AGBL1: variants seen among roughly 807,000 people sequenced by gnomAD.
The protein encoded by AGBL1 is cytosolic carboxypeptidase 4.
AGBL1 carries 130 observed loss-of-function variants against 118.9 expected under a neutral mutation model. That is an observed-to-expected ratio of 1.09 (90% confidence interval 0.95 to 1.26). The LOEUF is 1.26. AGBL1 is among the 50% of genes most tolerant of loss of function. The probability of loss-of-function intolerance (pLI) is 0.00; values close to 1 mark genes in which losing one functional copy is unlikely to be tolerated. For synonymous variants in AGBL1, 555 were observed against 478.9 expected (o/e 1.16, Z -2.08); for missense variants, 1,584 against 1,298.1 (o/e 1.22, Z -3.38).
intron 18 of AGBL1, among the ~76,000 whole-genome samples, chr15:86,421,101 T>C (rs1190289000): frequency 6.6e-6 from 1 of 152,018 alleles, no homozygotes; most frequent in Admixed American, 6.6e-5. Flanking sequence ...ATTCAGGAAA[T>C]ACAGTGAACA....
chr15:86,254,800 T>G (rs1208863351), intron 7 of AGBL1, among the ~76,000 whole-genome samples: 1 of 152,190 alleles, frequency 6.6e-6, no homozygotes, highest in Non-Finnish European at 1.5e-5. Context: ...GCACAGCACC[T>G]TTCCATCAGC....
intron 23 of AGBL1, among the ~76,000 whole-genome samples, chr15:86,983,043 A>G (rs1308350723): frequency 2.0e-5 from 3 of 152,162 alleles, no homozygotes; most frequent in Admixed American, 2.0e-4. Context: ...ATTAGAATTT[A>G]CTATTATCAC....
intron 18 of AGBL1, among the ~76,000 whole-genome samples, chr15:86,417,609 C>T (rs1344600042): frequency 6.6e-6 from 1 of 152,080 alleles, no homozygotes; most frequent in Non-Finnish European, 1.5e-5. Context: ...ATACAGATGC[C>T]CAGAGAAAGG....
chr15:86,255,610 C>T (rs28390969), intron 7 of AGBL1, among the ~76,000 whole-genome samples: 1 of 152,090 alleles, frequency 6.6e-6, no homozygotes, highest in Non-Finnish European at 1.5e-5. Flanking sequence ...TGGGGAAACC[C>T]CGTCTCTATT....
chr15:86,446,503 C>A (rs1027733200), intron 18 of AGBL1, among the ~76,000 whole-genome samples: 1 of 152,210 alleles, frequency 6.6e-6, no homozygotes, highest in African/African-American at 2.4e-5. Context: ...TTTCTTAGCA[C>A]TTCATCCTTC....
Position 86,450,838 on chromosome 15 carries a change from A to C in AGBL1, c.2555+53292A>C, listed in dbSNP as rs553389718. Among the ~76,000 whole-genome samples, 3 of 152,322 alleles carry C rather than the reference A, an allele frequency of 2.0e-5. No homozygotes were observed. In the East Asian group the frequency reaches 5.8e-4, roughly 29 times the overall value. Reference sequence around the variant, plus strand: ...GTACCTAGGCATGGAATATGCTTTAAATAGAGCCATTATTAATAATATTTT... The same window carrying C: ...GTACCTAGGCATGGAATATGCTTTACATAGAGCCATTATTAATAATATTTT... On this transcript the variant is annotated intron_variant, in intron 18 of 22. Coordinates refer to ENST00000614907, the MANE Select transcript of AGBL1 (RefSeq NM_001386094.1).
intron 19 of AGBL1, among the ~76,000 whole-genome samples, chr15:86,532,399 A>C (rs979593622): frequency 4.2e-5 from 6 of 143,184 alleles, no homozygotes; most frequent in African/African-American, 1.1e-4. Flanking sequence ...AATCCAACTT[A>C]CAAGGGATGT....
intron 22 of AGBL1, among the ~76,000 whole-genome samples, chr15:86,838,439 G>T (rs532544246): frequency 2.0e-5 from 3 of 152,002 alleles, no homozygotes; most frequent in Non-Finnish European, 2.9e-5. Context: ...CAACCATTTC[G>T]TATTTCTGCT....
At chr15:86,398,047 A>G (rs960809599) in intron 18 of AGBL1, among the ~76,000 whole-genome samples, 45 of 152,210 alleles carry the variant, frequency 3.0e-4, no homozygotes, top group Non-Finnish European at 4.4e-4. Flanking sequence ...TATTTACTAC[A>G]GGGAAATCTT....
At chr15:86,327,885 CG>C (rs987614134) in intron 17 of AGBL1, among the ~76,000 whole-genome samples, 1 of 152,050 alleles carries the variant, frequency 6.6e-6, no homozygotes, top group African/African-American at 2.4e-5. Flanking sequence ...TGGGGTGTGT[CG>C]GGGTACGTCC....
chr15:86,600,702 G>A (rs2084479153), intron 21 of AGBL1, among the ~76,000 whole-genome samples: 1 of 152,150 alleles, frequency 6.6e-6, no homozygotes. Flanking sequence ...GAATCTGGGT[G>A]GGGAGCCCTG....
intron 22 of AGBL1, among the ~76,000 whole-genome samples, chr15:86,895,485 T>C (rs1370363731): frequency 6.6e-6 from 1 of 151,984 alleles, no homozygotes; most frequent in East Asian, 1.9e-4. Context: ...AGTAGTTCTT[T>C]TTAGCAGTGG....
chr15:86,554,855 T>C (rs1363115866), intron 21 of AGBL1, among the ~76,000 whole-genome samples: 9 of 152,216 alleles, frequency 5.9e-5, no homozygotes, highest in Non-Finnish European at 8.8e-5. Context: ...TGTTGTTATA[T>C]GCATAAAATT....
intron 18 of AGBL1, among the ~76,000 whole-genome samples, chr15:86,434,663 G>A (rs2142044081): frequency 6.6e-6 from 1 of 152,280 alleles, no homozygotes; most frequent in South Asian, 2.1e-4. Context: ...TCCTTAAATA[G>A]AATCCATTAG....
At position 86,589,454 on chromosome 15, in the gene AGBL1, G is replaced by T. The variant is rs577553658; in HGVS notation, c.2994+34917G>T. ...TTTGTAGACATTTTGTGCCTTAATGGCAGCAAGGGTTGCACAATAAGATTC... is the reference window on the plus strand; with the variant it reads ...TTTGTAGACATTTTGTGCCTTAATGTCAGCAAGGGTTGCACAATAAGATTC... On this transcript the variant is annotated intron_variant, in intron 21 of 22. Coordinates refer to ENST00000614907, the MANE Select transcript of AGBL1 (RefSeq NM_001386094.1). Among the ~76,000 whole-genome samples the T allele has an allele frequency of 8.4e-4, 128 of 152,222 alleles. 2 individuals are homozygous for T. The highest frequency in any genetic ancestry group is 3.0e-3 in the African/African-American group (124 of 41,526).
chr15:86,511,197 T>C (rs1017264571), intron 18 of AGBL1, among the ~76,000 whole-genome samples: 17 of 152,076 alleles, frequency 1.1e-4, no homozygotes, highest in African/African-American at 4.1e-4. Flanking sequence ...TAATTTTACA[T>C]AGAAGAAAAC....
intron 22 of AGBL1, among the ~76,000 whole-genome samples, chr15:86,880,022 G>T (rs1287431040): frequency 2.6e-5 from 4 of 152,214 alleles, no homozygotes; most frequent in African/African-American, 9.6e-5. Flanking sequence ...ACCTTGGCCT[G>T]AGACTAGTGG....
At chr15:86,698,738 T>A (rs186132260) in intron 22 of AGBL1, among the ~76,000 whole-genome samples, 1 of 151,856 alleles carries the variant, frequency 6.6e-6, no homozygotes, top group Non-Finnish European at 1.5e-5. Flanking sequence ...CTGGGATGCC[T>A]AAAAAAGACA....
chr15:86,672,926 T>C (rs561440771), intron 21 of AGBL1, among the ~76,000 whole-genome samples: 1 of 152,168 alleles, frequency 6.6e-6, no homozygotes. Context: ...TTTTAATGCT[T>C]TTAGCCAGGA....
Sources: gnomAD v4.1 joint callset for allele counts (sites outside exome capture counted in the v4.1 genomes callset) on GRCh38, gnomAD v4.1.1 for gene constraint, MANE v1.5 for transcripts, NCBI Gene and HGNC (gene_info 2026-07-23, HGNC 2026-07-21) for gene names.